SEC23IP: variants seen among roughly 807,000 people sequenced by gnomAD.
SEC23IP encodes SEC23 interacting protein, also known as SEC23-interacting protein.
SEC23IP carries 70 observed loss-of-function variants against 113.4 expected under a neutral mutation model. The observed-to-expected ratio is 0.62, with a 90% confidence interval of 0.51 to 0.75. The LOEUF is 0.75. Ranked by LOEUF, SEC23IP falls within the 30% of genes least tolerant of loss-of-function variation. SEC23IP has a pLI of 0.00. For synonymous variants in SEC23IP, 398 were observed against 421.0 expected (o/e 0.95, Z 0.67); for missense variants, 1,160 against 1,204.9 (o/e 0.96, Z 0.55).
chr10:119,909,202 G>A, intron 5 of SEC23IP, 72 bp downstream of exon 5: 2 of 1,043,830 alleles, frequency 1.9e-6, no homozygotes, highest in Admixed American at 4.9e-5. Context: ...TTGATAAATT[G>A]TTCATTTTTA....
intron 2 of SEC23IP, among the ~76,000 whole-genome samples, chr10:119,901,659 A>G (rs531355692): frequency 2.0e-5 from 3 of 152,256 alleles, no homozygotes; most frequent in South Asian, 4.1e-4. Flanking sequence ...TAACCTTTTG[A>G]TGTATATCCT....
intron 17 of SEC23IP, 140 bp downstream of exon 17, chr10:119,933,307 AT>A: frequency 2.6e-6 from 2 of 784,306 alleles, no homozygotes; most frequent in Non-Finnish European, 4.1e-6. Context: ...CAGAATCGTT[AT>A]TTTTCCCCCT....
intron 9 of SEC23IP, 21 bp from the exon 10 acceptor site, chr10:119,918,372 C>A (rs766368339): frequency 2.1e-6 from 3 of 1,432,082 alleles, no homozygotes; most frequent in African/African-American, 2.8e-5. Flanking sequence ...CATTATAAGG[C>A]AAAATGTTTC....
chr10:119,911,565 T>A (rs1326121785), intron 5 of SEC23IP, among the ~76,000 whole-genome samples: 1 of 152,124 alleles, frequency 6.6e-6, no homozygotes, highest in South Asian at 2.1e-4. Flanking sequence ...AGCCTCGACC[T>A]CTTGGGCTCA....
intron 4 of SEC23IP, among the ~76,000 whole-genome samples, chr10:119,907,874 C>T (rs983371695): frequency 6.6e-6 from 1 of 152,152 alleles, no homozygotes; most frequent in African/African-American, 2.4e-5. Flanking sequence ...ATCGCCTGAA[C>T]CTGGGAGGCG....
chr10:119,903,888 T>C (rs2134461958), intron 3 of SEC23IP, among the ~76,000 whole-genome samples, 196 bp from the exon 4 acceptor site: 1 of 152,250 alleles, frequency 6.6e-6, no homozygotes, highest in South Asian at 2.1e-4. Flanking sequence ...GCCTGGCTAA[T>C]TGTTGTATTT....
At chr10:119,896,433 A>G (rs1854287159) in intron 1 of SEC23IP, among the ~76,000 whole-genome samples, 1 of 152,224 alleles carries the variant, frequency 6.6e-6, no homozygotes. Flanking sequence ...AAAAGGGAGC[A>G]TGGAGGTGGG....
intron 17 of SEC23IP, 23 bp downstream of exon 17, chr10:119,933,190 A>G (rs768180064): frequency 1.2e-6 from 2 of 1,608,354 alleles, no homozygotes; most frequent in Non-Finnish European, 1.7e-6. Context: ...AAATTTGGTA[A>G]CATTTGAGTG....
At chr10:119,897,125 G>A (rs148637586) in intron 1 of SEC23IP, among the ~76,000 whole-genome samples, 48 of 152,338 alleles carry the variant, frequency 3.2e-4, no homozygotes, top group Non-Finnish European at 6.2e-4. Context: ...GGCAGGGACC[G>A]AAGTGTGCCT....
At chr10:119,912,770 A>G (rs1276798676) in intron 6 of SEC23IP, among the ~76,000 whole-genome samples, 1 of 150,594 alleles carries the variant, frequency 6.6e-6, no homozygotes, top group Non-Finnish European at 1.5e-5. Flanking sequence ...CCTCCCGAGT[A>G]GCTGGGATTA....
intron 6 of SEC23IP, chr10:119,914,523 C>T (rs1854979219): frequency 3.9e-6 from 2 of 518,910 alleles, no homozygotes; most frequent in East Asian, 6.9e-5. Context: ...CTGCTGCCTC[C>T]ACCTCTTGTT....
At chr10:119,929,123 C>G (rs890436151) in intron 13 of SEC23IP, among the ~76,000 whole-genome samples, 3 of 152,018 alleles carry the variant, frequency 2.0e-5, no homozygotes, top group Non-Finnish European at 2.9e-5. Flanking sequence ...TATTTATAAC[C>G]ATAATAAATA....
chr10:119,900,857 T>TA (rs750603415), intron 2 of SEC23IP, among the ~76,000 whole-genome samples: 13 of 152,128 alleles, frequency 8.5e-5, no homozygotes, highest in Non-Finnish European at 1.8e-4. Flanking sequence ...CTCAATTTAA[T>TA]AAAAAATGTC....
chr10:119,917,264 A>G (rs1252002590), intron 8 of SEC23IP, among the ~76,000 whole-genome samples: 1 of 151,960 alleles, frequency 6.6e-6, no homozygotes, highest in Non-Finnish European at 1.5e-5. Flanking sequence ...TGGTGGCACA[A>G]TCTCGGCTCA....
rs144594354 is a variant in SEC23IP, at chr10:119,933,764, T to A, written c.3000T>A (p.His1000Gln). 1.3e-6 allele frequency: 2 copies of A among 1,550,268 alleles called. No individual in the cohort carries two copies. The highest frequency in any genetic ancestry group is 1.4e-5 in the African/African-American group (1 of 73,812). ...TMNISPEQPQ[H>Q] Reference sequence around the variant, plus strand: ...ACATTAGTCCAGAACAGCCCCAGCATTGATCAAACTTCAGTTTTACTGTGT... The same window carrying A: ...ACATTAGTCCAGAACAGCCCCAGCAATGATCAAACTTCAGTTTTACTGTGT... The change falls in exon 18 of 19, where the codon CAT becomes CAA. Residue 1000 changes from histidine to glutamine, a missense_variant. Coordinates refer to ENST00000369075, the MANE Select transcript of SEC23IP (RefSeq NM_007190.4).
intron 15 of SEC23IP, among the ~76,000 whole-genome samples, chr10:119,931,501 C>T (rs1211661418): frequency 6.6e-6 from 1 of 150,728 alleles, no homozygotes; most frequent in Admixed American, 6.6e-5. Context: ...TGTCTGGCCC[C>T]TATGTTTAAA....
chr10:119,894,131 G>A (rs1349639832), intron 1 of SEC23IP, among the ~76,000 whole-genome samples: 1 of 152,134 alleles, frequency 6.6e-6, no homozygotes, highest in Non-Finnish European at 1.5e-5. Flanking sequence ...TTTGCAAAGC[G>A]CTAAGTATAG....
chr10:119,911,546 G>A (rs1307730269), intron 5 of SEC23IP, among the ~76,000 whole-genome samples: 2 of 152,094 alleles, frequency 1.3e-5, no homozygotes, highest in Non-Finnish European at 2.9e-5. Context: ...CACAAACACA[G>A]CTTATTGCAG....
intron 18 of SEC23IP, 48 bp from the exon 19 acceptor site, chr10:119,940,538 G>C (rs1447112644): frequency 1.3e-5 from 2 of 151,030 alleles, no homozygotes; most frequent in Admixed American, 6.6e-5. Context: ...GTATTTGACT[G>C]TAAATTTGTA....
Sources: gnomAD v4.1 joint callset for allele counts (sites outside exome capture counted in the v4.1 genomes callset) on GRCh38, gnomAD v4.1.1 for gene constraint, MANE v1.5 for transcripts, NCBI Gene and HGNC (gene_info 2026-07-23, HGNC 2026-07-21) for gene names.